ASIC2: variants seen among roughly 807,000 people sequenced by gnomAD.
The protein encoded by ASIC2 is acid-sensing ion channel 2.
In ASIC2, 25 loss-of-function variants were observed where a neutral mutation model predicts 57.3. The ratio of observed to expected loss-of-function variants is 0.44; its 90% CI spans 0.32 to 0.61. The LOEUF (loss-of-function observed/expected upper bound fraction) is 0.61. ASIC2 is among the 20% of genes least tolerant of loss of function. The pLI is 0.06. For missense variants in ASIC2, 641 were observed against 738.1 expected (o/e 0.87, Z 1.52); for synonymous variants, 319 against 307.5 (o/e 1.04, Z -0.39).
chr17:33,786,122 C>T (rs1030635604), intron 1 of ASIC2, among the ~76,000 whole-genome samples: 1 of 152,136 alleles, frequency 6.6e-6, no homozygotes, highest in African/African-American at 2.4e-5. Context: ...CTGTGCCCCC[C>T]CCTTGATCAT....
At chr17:33,017,326 C>T (rs112510047) in intron 8 of ASIC2, among the ~76,000 whole-genome samples, 8 of 152,244 alleles carry the variant, frequency 5.3e-5, no homozygotes, top group Non-Finnish European at 1.2e-4. Flanking sequence ...TTCCCCTCAT[C>T]CCTCCCCATC....
At chr17:33,768,059 G>A (rs1274892071) in intron 1 of ASIC2, among the ~76,000 whole-genome samples, 5 of 151,750 alleles carry the variant, frequency 3.3e-5, no homozygotes, top group Non-Finnish European at 5.9e-5. Flanking sequence ...CCCAGGCTGG[G>A]GTGCAGTGGC....
At chr17:33,821,548 G>A (rs1030417508) in intron 1 of ASIC2, among the ~76,000 whole-genome samples, 4 of 152,208 alleles carry the variant, frequency 2.6e-5, no homozygotes, top group African/African-American at 9.7e-5. Flanking sequence ...TGCAGTGAAT[G>A]AGGAGGAAAG....
chr17:34,108,099 C>T (rs1019335030), intron 1 of ASIC2, among the ~76,000 whole-genome samples: 2 of 151,980 alleles, frequency 1.3e-5, no homozygotes, highest in African/African-American at 2.4e-5. Flanking sequence ...TACTTATAAA[C>T]ATCTCTTTGA....
At chr17:33,911,019 G>T (rs564461523) in intron 1 of ASIC2, among the ~76,000 whole-genome samples, 6 of 152,160 alleles carry the variant, frequency 3.9e-5, no homozygotes, top group Non-Finnish European at 7.3e-5. Flanking sequence ...TGGCTTCCTC[G>T]GTTACAGCTC....
intron 1 of ASIC2, among the ~76,000 whole-genome samples, chr17:33,583,386 G>A (rs1332209912): frequency 6.6e-6 from 1 of 152,126 alleles, no homozygotes; most frequent in Admixed American, 6.5e-5. Context: ...GGACTTAGAA[G>A]GCCTTATATT....
At chr17:34,054,956 CAT>C (rs1374072184) in intron 1 of ASIC2, among the ~76,000 whole-genome samples, 1 of 152,170 alleles carries the variant, frequency 6.6e-6, no homozygotes, top group African/African-American at 2.4e-5. Flanking sequence ...AGAAAACAAT[CAT>C]GTGAAGAATG....
intron 1 of ASIC2, among the ~76,000 whole-genome samples, chr17:33,203,641 G>C (rs1015532495): frequency 6.6e-6 from 1 of 152,062 alleles, no homozygotes; most frequent in Admixed American, 6.5e-5. Flanking sequence ...CTTTATTCTC[G>C]GGGTTGGCAA....
At chr17:33,714,089 G>A (rs1909135765) in intron 1 of ASIC2, among the ~76,000 whole-genome samples, 1 of 151,898 alleles carries the variant, frequency 6.6e-6, no homozygotes, top group African/African-American at 2.4e-5. Flanking sequence ...TTTCTGGATG[G>A]GTGCATGTTG....
chr17:34,023,378 A>ACAC (rs1907255952), intron 1 of ASIC2, among the ~76,000 whole-genome samples: 11 of 147,496 alleles, frequency 7.5e-5, no homozygotes, highest in African/African-American at 1.2e-4. Context: ...CTCTGTCACA[A>ACAC]ACACACACAC....
chr17:33,064,549 T>C (rs540660893), intron 3 of ASIC2, among the ~76,000 whole-genome samples: 14 of 152,340 alleles, frequency 9.2e-5, no homozygotes, highest in African/African-American at 3.4e-4. Flanking sequence ...ATCATTCCTC[T>C]GGATGTTTCA....
chr17:33,143,451 T>C (rs1237498207), intron 1 of ASIC2, among the ~76,000 whole-genome samples: 2 of 152,226 alleles, frequency 1.3e-5, no homozygotes, highest in African/African-American at 4.8e-5. Context: ...GTTGCTTTTG[T>C]TTCTCATATA....
At chr17:33,079,836 A>G (rs763773111) in intron 3 of ASIC2, among the ~76,000 whole-genome samples, 9 of 152,136 alleles carry the variant, frequency 5.9e-5, no homozygotes, top group Non-Finnish European at 1.0e-4. Context: ...CATTATCCCC[A>G]TTTTGCAGAT....
intron 1 of ASIC2, among the ~76,000 whole-genome samples, chr17:33,426,529 G>A (rs914299805): frequency 2.0e-5 from 3 of 152,212 alleles, no homozygotes; most frequent in Non-Finnish European, 2.9e-5. Context: ...TTCTCCACAT[G>A]AGGGATTCCA....
intron 1 of ASIC2, among the ~76,000 whole-genome samples, chr17:33,880,472 T>A (rs1198917590): frequency 6.6e-6 from 1 of 152,072 alleles, no homozygotes; most frequent in South Asian, 2.1e-4. Flanking sequence ...GAGAATACTA[T>A]AAACACCTCT....
At chr17:33,923,834 C>T (rs961151211) in intron 1 of ASIC2, among the ~76,000 whole-genome samples, 1 of 152,206 alleles carries the variant, frequency 6.6e-6, no homozygotes, top group African/African-American at 2.4e-5. Flanking sequence ...AGTTCTCAGC[C>T]CATGCTAGAC....
intron 1 of ASIC2, among the ~76,000 whole-genome samples, chr17:33,350,417 C>T (rs1908116370): frequency 1.3e-5 from 2 of 152,160 alleles, no homozygotes; most frequent in Non-Finnish European, 2.9e-5. Flanking sequence ...CGGTGGCTCA[C>T]ACCTGTAATC....
chr17:33,426,718 A>G (rs77307006), intron 1 of ASIC2, among the ~76,000 whole-genome samples: 1,779 of 152,332 alleles, frequency 0.012, 52 homozygotes, highest in East Asian at 0.097. Flanking sequence ...GACCTGCTGT[A>G]TGCCAGGTAG....
At chr17:33,344,960 G>T (rs1471028217) in intron 1 of ASIC2, among the ~76,000 whole-genome samples, 1 of 151,928 alleles carries the variant, frequency 6.6e-6, no homozygotes, top group East Asian at 1.9e-4. Flanking sequence ...GGGGACAGCG[G>T]CTTGAATTAA....
Sources: gnomAD v4.1 joint callset for allele counts (sites outside exome capture counted in the v4.1 genomes callset) on GRCh38, gnomAD v4.1.1 for gene constraint, MANE v1.5 for transcripts, NCBI Gene and HGNC (gene_info 2026-07-23, HGNC 2026-07-21) for gene names.